SGCZ: variants seen among roughly 807,000 people sequenced by gnomAD.
SGCZ encodes the protein zeta-sarcoglycan.
SGCZ carries 40 observed loss-of-function variants against 41.3 expected under a neutral mutation model. That is an observed-to-expected ratio of 0.97 (90% CI 0.75 to 1.26). The LOEUF (loss-of-function observed/expected upper bound fraction) is 1.26, where lower values mean the gene tolerates loss of function less well. Ranked by LOEUF, SGCZ falls within the 50% of genes most tolerant of loss-of-function variation. The probability of loss-of-function intolerance (pLI) is 0.00; values close to 1 mark genes in which losing one functional copy is unlikely to be tolerated. For synonymous variants in SGCZ, 206 were observed against 137.5 expected (o/e 1.50, Z -3.49); for missense variants, 552 against 369.8 (o/e 1.49, Z -4.04).
At chr8:15,074,713 C>T (rs867389205) in intron 1 of SGCZ, among the ~76,000 whole-genome samples, 24 of 152,152 alleles carry the variant, frequency 1.6e-4, no homozygotes, top group African/African-American at 5.1e-4. Flanking sequence ...TTTCCACATC[C>T]GGCCTTTTCC....
intron 3 of SGCZ, among the ~76,000 whole-genome samples, chr8:14,277,260 A>G (rs1800269390): frequency 6.6e-6 from 1 of 152,176 alleles, no homozygotes; most frequent in Non-Finnish European, 1.5e-5. Context: ...GTAAAGTTCA[A>G]AATGTTCAAC....
At chr8:15,094,632 T>C (rs752241088) in intron 1 of SGCZ, among the ~76,000 whole-genome samples, 1 of 152,148 alleles carries the variant, frequency 6.6e-6, no homozygotes, top group Non-Finnish European at 1.5e-5. Flanking sequence ...TAAGCTAGGA[T>C]GCTATGAGAA....
At chr8:14,981,953 C>T (rs904396026) in intron 1 of SGCZ, among the ~76,000 whole-genome samples, 7 of 152,030 alleles carry the variant, frequency 4.6e-5, no homozygotes, top group African/African-American at 1.7e-4. Flanking sequence ...AGTTCAAGAC[C>T]AGCCTGGCCA....
intron 1 of SGCZ, among the ~76,000 whole-genome samples, chr8:14,917,935 G>C (rs1407341514): frequency 6.6e-6 from 1 of 151,974 alleles, no homozygotes; most frequent in East Asian, 1.9e-4. Context: ...GTTACCCTTA[G>C]TGGTGTTCTG....
chr8:14,294,884 CAATAAT>C (rs976661192), intron 3 of SGCZ, among the ~76,000 whole-genome samples: 10 of 151,872 alleles, frequency 6.6e-5, no homozygotes, highest in African/African-American at 2.4e-4. Context: ...TTTAAAATGT[CAATAAT>C]AATAATAACA....
At chr8:14,817,041 T>C (rs1585286810) in intron 1 of SGCZ, among the ~76,000 whole-genome samples, 4 of 152,304 alleles carry the variant, frequency 2.6e-5, no homozygotes, top group Non-Finnish European at 5.9e-5. Context: ...TTAAAAGTTT[T>C]GTCCATTTCA....
At chr8:14,495,431 C>T (rs1585592634) in intron 2 of SGCZ, among the ~76,000 whole-genome samples, 1 of 152,076 alleles carries the variant, frequency 6.6e-6, no homozygotes, top group South Asian at 2.1e-4. Flanking sequence ...CTAAGCCCCA[C>T]TGAAAAATCA....
intron 1 of SGCZ, among the ~76,000 whole-genome samples, chr8:14,606,213 C>T (rs1307569632): frequency 6.6e-6 from 1 of 152,088 alleles, no homozygotes; most frequent in African/African-American, 2.4e-5. Context: ...GACCTCCAAT[C>T]CATTCCTTAT....
At chr8:15,217,618 C>T (rs1801451578) in intron 1 of SGCZ, among the ~76,000 whole-genome samples, 1 of 152,148 alleles carries the variant, frequency 6.6e-6, no homozygotes, top group Non-Finnish European at 1.5e-5. Flanking sequence ...GTGGAAGGGA[C>T]GAGACTGGCG....
At chr8:14,100,041 T>C (rs1801964670) in intron 7 of SGCZ, among the ~76,000 whole-genome samples, 1 of 152,150 alleles carries the variant, frequency 6.6e-6, no homozygotes, top group African/African-American at 2.4e-5. Flanking sequence ...TATATCCCTC[T>C]ATATTGTTTA....
chr8:15,129,287 C>G (rs567360560), intron 1 of SGCZ, among the ~76,000 whole-genome samples: 1 of 152,208 alleles, frequency 6.6e-6, no homozygotes, highest in Admixed American at 6.5e-5. Context: ...CACCCAGATA[C>G]CACTCCCTAC....
At chr8:15,178,476 G>A (rs1044237563) in intron 1 of SGCZ, among the ~76,000 whole-genome samples, 1 of 152,168 alleles carries the variant, frequency 6.6e-6, no homozygotes, top group Non-Finnish European at 1.5e-5. Flanking sequence ...AAAATGCTCA[G>A]AGCATGGTAA....
rs371922411 is a variant in SGCZ at position 14,178,706 on chromosome 8, G to C, written c.425-14004C>G. Among the ~76,000 whole-genome samples the C allele has an allele frequency of 4.4e-4, 67 of 152,348 alleles. 1 individual carries two copies. The South Asian group carries it at 0.013, about 30-fold the overall frequency. On this transcript the variant is annotated intron_variant, in intron 4 of 7. Transcript: ENST00000382080. ...CACAGGCTACACAAATGGTTAACAG[G>C]AGAATAACTTGGAATGATGACTAGT...
intron 7 of SGCZ, among the ~76,000 whole-genome samples, chr8:14,095,377 G>C (rs570904061): frequency 1.3e-5 from 2 of 152,298 alleles, no homozygotes; most frequent in African/African-American, 4.8e-5. Context: ...TTATTAAATA[G>C]GGAATCCTTT....
At chr8:14,139,080 C>T (rs1217246422) in intron 5 of SGCZ, among the ~76,000 whole-genome samples, 1 of 152,130 alleles carries the variant, frequency 6.6e-6, no homozygotes, top group African/African-American at 2.4e-5. Flanking sequence ...ACAACCTGCT[C>T]CTGAATGACT....
chr8:14,356,790 G>C (rs1479659432), intron 2 of SGCZ, among the ~76,000 whole-genome samples: 1 of 151,880 alleles, frequency 6.6e-6, no homozygotes, highest in Non-Finnish European at 1.5e-5. Context: ...ATAATACTAG[G>C]TAGGGCCAAT....
chr8:14,498,552 A>G (rs1359785738), intron 2 of SGCZ, among the ~76,000 whole-genome samples: 2 of 152,040 alleles, frequency 1.3e-5, no homozygotes, highest in Non-Finnish European at 2.9e-5. Flanking sequence ...TTAGATATTT[A>G]CCTTTCTGTT....
chr8:14,147,746 A>G (rs1409509011), intron 5 of SGCZ, among the ~76,000 whole-genome samples: 1 of 152,194 alleles, frequency 6.6e-6, no homozygotes, highest in Admixed American at 6.5e-5. Context: ...TAAAATGGCT[A>G]CAAAATACAT....
At chr8:15,203,210 C>G (rs1800952869) in intron 1 of SGCZ, among the ~76,000 whole-genome samples, 1 of 152,126 alleles carries the variant, frequency 6.6e-6, no homozygotes, top group South Asian at 2.1e-4. Flanking sequence ...AGTTTGTATT[C>G]TTTCCAAATC....
Sources: gnomAD v4.1 joint callset for allele counts (sites outside exome capture counted in the v4.1 genomes callset) on GRCh38, gnomAD v4.1.1 for gene constraint, MANE v1.5 for transcripts, NCBI Gene and HGNC (gene_info 2026-07-23, HGNC 2026-07-21) for gene names.